RORA: variants seen among roughly 807,000 people sequenced by gnomAD.
RORA encodes RAR related orphan receptor A, also known as nuclear receptor ROR-alpha.
Under a neutral mutation model 69.5 loss-of-function variants are expected in RORA, and 7 were observed. The ratio of observed to expected loss-of-function variants is 0.10; its 90% CI spans 0.06 to 0.19. The LOEUF (loss-of-function observed/expected upper bound fraction) is 0.19. Ranked by LOEUF, RORA falls within the 10% of genes least tolerant of loss-of-function variation. The pLI, the probability that RORA is intolerant of heterozygous loss-of-function variation, is 1.00. For synonymous variants in RORA, 261 were observed against 240.8 expected, an observed-to-expected ratio of 1.08 and a Z score of -0.78; for missense variants, 457 against 663.0, an observed-to-expected ratio of 0.69 and a Z score of 3.41.
chr15:60,908,676 G>A (rs1219779706), intron 1 of RORA, among the ~76,000 whole-genome samples: 13 of 151,984 alleles, frequency 8.6e-5, no homozygotes, highest in African/African-American at 2.9e-4. Flanking sequence ...TTTCTACAGT[G>A]GTCTCTCTCC....
intron 1 of RORA, among the ~76,000 whole-genome samples, chr15:61,073,479 G>C (rs782903): frequency 1.3e-5 from 2 of 151,828 alleles, no homozygotes; most frequent in Non-Finnish European, 2.9e-5. Flanking sequence ...GTTCAAATTC[G>C]CAAATGGCAT....
At chr15:60,611,559 CAAAAAA>C (rs533598270) in intron 2 of RORA, among the ~76,000 whole-genome samples, 43 of 35,820 alleles carry the variant, frequency 1.2e-3, no homozygotes, top group African/African-American at 3.3e-3. Flanking sequence ...TTGAGTTTTG[CAAAAAA>C]AAAAAAAAAA....
intron 1 of RORA, among the ~76,000 whole-genome samples, chr15:60,958,554 G>A (rs1163828654): frequency 1.3e-5 from 2 of 152,110 alleles, no homozygotes; most frequent in Non-Finnish European, 2.9e-5. Context: ...CACTCTGGGA[G>A]GCTGGAATTT....
intron 3 of RORA, among the ~76,000 whole-genome samples, chr15:60,521,748 T>TATC (rs2066174489): frequency 6.6e-6 from 1 of 152,204 alleles, no homozygotes; most frequent in African/African-American, 2.4e-5. Context: ...TACTTATATG[T>TATC]ATCTTCTTCA....
At chr15:60,697,926 T>C (rs2070928703) in intron 1 of RORA, among the ~76,000 whole-genome samples, 1 of 152,166 alleles carries the variant, frequency 6.6e-6, no homozygotes, top group African/African-American at 2.4e-5. Context: ...GTGAAGTTCC[T>C]ATATAATAAT....
At chr15:61,178,254 TA>T (rs2079649773) in intron 1 of RORA, among the ~76,000 whole-genome samples, 1 of 152,182 alleles carries the variant, frequency 6.6e-6, no homozygotes, top group African/African-American at 2.4e-5. Context: ...CCTAAAGTGA[TA>T]CAAAATATTC....
chr15:60,594,422 T>C (rs191978145), intron 2 of RORA, among the ~76,000 whole-genome samples: 2 of 152,348 alleles, frequency 1.3e-5, no homozygotes, highest in Admixed American at 6.5e-5. Context: ...CGTTAAAGGA[T>C]GGAAAACCAT....
At chr15:61,027,045 C>T (rs1399482446) in intron 1 of RORA, among the ~76,000 whole-genome samples, 1 of 151,616 alleles carries the variant, frequency 6.6e-6, no homozygotes, top group Non-Finnish European at 1.5e-5. Context: ...CATGCAGCTT[C>T]AACAGCATTT....
In RORA at chr15:61,147,202, T is replaced by C. The variant is rs553094178; in HGVS notation, c.166+81851A>G. On this transcript the variant is annotated intron_variant, in intron 1 of 10. Coordinates refer to ENST00000335670, the MANE Select transcript of RORA (RefSeq NM_134261.3). This position sits in a 1 kb window ranked among gnomAD's most constrained non-coding sequence, Gnocchi z 4.1. Reference sequence around the variant, plus strand: ...CATGCGTCAACCACTAGTCATGCCTTGAACCACACAGCACCGTGGTCGTTT... The same window carrying C: ...CATGCGTCAACCACTAGTCATGCCTCGAACCACACAGCACCGTGGTCGTTT... Among the ~76,000 whole-genome samples the C allele has an allele frequency of 1.3e-5, 2 of 152,306 alleles. No individual in the cohort carries two copies. The highest frequency in any genetic ancestry group is 4.2e-4 in the South Asian group (2 of 4,814).
At chr15:61,067,461 T>G (rs1404068665) in intron 1 of RORA, among the ~76,000 whole-genome samples, 1 of 152,238 alleles carries the variant, frequency 6.6e-6, no homozygotes, top group East Asian at 1.9e-4. Context: ...AAACTGCCTC[T>G]AATGATGTTG....
At position 60,503,642 on chromosome 15, in the gene RORA, C is replaced by T; in HGVS notation, c.968G>A (p.Cys323Tyr). 6.2e-7 allele frequency: 1 copy of T among 1,613,982 alleles called. No individual in the cohort carries two copies. Among genetic ancestry groups the T allele is most frequent in the Non-Finnish European group, 8.5e-7 (1 of 1,180,006 alleles). ...NKQREVMWQLCAIKITEAIQY... is the reference protein window; with the variant it reads ...NKQREVMWQLYAIKITEAIQY... ...TATAGCTTCTGTAATTTTGATGGCA[C>T]ACAATTGCCACATCACCTCCCGCTG... Residue 323 changes from cysteine to tyrosine, a missense_variant, in exon 7 of 11, where the codon TGT becomes TAT. Coordinates refer to ENST00000335670, the MANE Select transcript of RORA (RefSeq NM_134261.3).
At position 61,147,317 on chromosome 15, in the gene RORA, G is replaced by A. The variant is rs2079359008; in HGVS notation, c.166+81736C>T. Among the ~76,000 whole-genome samples, 1 of 152,158 alleles carries A rather than the reference G, an allele frequency of 6.6e-6. No homozygotes were observed. The highest frequency in any genetic ancestry group is 6.5e-5 in the Admixed American group (1 of 15,278). On this transcript the variant is annotated intron_variant, in intron 1 of 10. Coordinates refer to ENST00000335670, the MANE Select transcript of RORA (RefSeq NM_134261.3). The surrounding 1 kb of genome is among the most constrained non-coding windows in gnomAD (Gnocchi z 4.1). Reference sequence around the variant, plus strand: ...ACGACTTTGGCCCTCTGTGGTGCCTGGCCAGTCCCACTAGGCTTGGCTCTT... The same window carrying A: ...ACGACTTTGGCCCTCTGTGGTGCCTAGCCAGTCCCACTAGGCTTGGCTCTT...
intron 1 of RORA, among the ~76,000 whole-genome samples, chr15:60,893,721 G>A (rs1378512339): frequency 2.0e-5 from 3 of 152,166 alleles, no homozygotes; most frequent in Non-Finnish European, 4.4e-5. Flanking sequence ...AAATTCAGCT[G>A]CTCCTGTGTA....
chr15:61,081,883 C>T (rs1046939979), intron 1 of RORA, among the ~76,000 whole-genome samples: 17 of 151,366 alleles, frequency 1.1e-4, no homozygotes, highest in African/African-American at 3.6e-4. Flanking sequence ...GTTGATTATT[C>T]GAATAACTAG....
intron 1 of RORA, among the ~76,000 whole-genome samples, chr15:60,721,174 G>C (rs984697281): frequency 1.1e-4 from 16 of 152,178 alleles, no homozygotes; most frequent in African/African-American, 3.9e-4. Context: ...GAGGCCGTGG[G>C]TTCTTTGACT....
chr15:60,678,172 C>T (rs539558648), intron 2 of RORA: 2 of 153,112 alleles, frequency 1.3e-5, no homozygotes, highest in Admixed American at 1.3e-4. Flanking sequence ...TCAGGGCCCT[C>T]GCAGGCCATG....
chr15:60,950,938 C>T (rs1296721997), intron 1 of RORA, among the ~76,000 whole-genome samples: 2 of 149,864 alleles, frequency 1.3e-5, no homozygotes, highest in Non-Finnish European at 1.5e-5. Context: ...ACCAAGCGGA[C>T]GTAATAGACA....
intron 1 of RORA, among the ~76,000 whole-genome samples, chr15:60,740,743 C>T (rs7178108): frequency 6.6e-6 from 1 of 152,158 alleles, no homozygotes; most frequent in African/African-American, 2.4e-5. Flanking sequence ...TAGGTACATA[C>T]GCAGGACCAA....
chr15:61,202,590 T>C (rs2079905197), intron 1 of RORA, among the ~76,000 whole-genome samples: 1 of 152,042 alleles, frequency 6.6e-6, no homozygotes, highest in African/African-American at 2.4e-5. Context: ...AACAACCTCA[T>C]AGGAGCAGGA....
Sources: gnomAD v4.1 joint callset for allele counts (sites outside exome capture counted in the v4.1 genomes callset) on GRCh38, gnomAD v4.1.1 for gene constraint, Gnocchi (gnomAD v3.1) non-coding constraint, MANE v1.5 for transcripts, NCBI Gene and HGNC (gene_info 2026-07-23, HGNC 2026-07-21) for gene names.